GRM5: variants seen among roughly 807,000 people sequenced by gnomAD.
The protein encoded by GRM5 is glutamate metabotropic receptor 5.
In GRM5, 19 loss-of-function variants were observed where a neutral mutation model predicts 83.1. That is an observed-to-expected ratio of 0.23 (90% confidence interval 0.16 to 0.34). The LOEUF is 0.34. Ranked by LOEUF, GRM5 falls within the 10% of genes least tolerant of loss-of-function variation. The pLI is 1.00. For synonymous variants in GRM5, 675 were observed against 633.6 expected, an observed-to-expected ratio of 1.07 and a Z score of -0.98; for missense variants, 1,160 against 1,588.3, an observed-to-expected ratio of 0.73 and a Z score of 4.58.
chr11:88,552,033 C>CTTT (rs5793334), intron 8 of GRM5, among the ~76,000 whole-genome samples: 131 of 145,938 alleles, frequency 9.0e-4, no homozygotes, highest in South Asian at 1.7e-3. Context: ...AATGTCACAT[C>CTTT]TTTTTTTTTT....
intron 3 of GRM5, among the ~76,000 whole-genome samples, chr11:88,768,228 CATAAT>C (rs1942661610): frequency 6.6e-6 from 1 of 151,882 alleles, no homozygotes. Context: ...GATAAGAAAA[CATAAT>C]ATATGCATAC....
intron 3 of GRM5, among the ~76,000 whole-genome samples, chr11:88,720,866 T>C (rs1321971446): frequency 6.7e-6 from 1 of 149,674 alleles, no homozygotes; most frequent in African/African-American, 2.5e-5. Context: ...TTTATACTGC[T>C]TGGCACAAAA....
intron 3 of GRM5, among the ~76,000 whole-genome samples, chr11:88,715,762 A>G (rs1197179622): frequency 6.6e-6 from 1 of 152,036 alleles, no homozygotes; most frequent in African/African-American, 2.4e-5. Flanking sequence ...TATAGTGGAG[A>G]AAAGATACAA....
chr11:88,532,352 G>A (rs952608018), intron 8 of GRM5, among the ~76,000 whole-genome samples: 7 of 152,146 alleles, frequency 4.6e-5, no homozygotes, highest in African/African-American at 1.4e-4. Context: ...GAGGAAAAGA[G>A]TCTTTTTGGC....
At chr11:88,945,792 A>G (rs550184082) in intron 2 of GRM5, among the ~76,000 whole-genome samples, 2 of 152,236 alleles carry the variant, frequency 1.3e-5, no homozygotes, top group South Asian at 4.1e-4. Flanking sequence ...CCTAGAAAAA[A>G]GCCTAGAACA....
intron 3 of GRM5, among the ~76,000 whole-genome samples, chr11:88,769,180 T>C (rs1942680457): frequency 1.3e-5 from 2 of 152,178 alleles, no homozygotes; most frequent in Admixed American, 1.3e-4. Context: ...GGCAGCCAGG[T>C]TTTCCACTTC....
intron 4 of GRM5, among the ~76,000 whole-genome samples, chr11:88,639,141 G>A (rs768804403): frequency 6.6e-6 from 1 of 152,060 alleles, no homozygotes; most frequent in Non-Finnish European, 1.5e-5. Context: ...TGAACTACGT[G>A]TTTTTTCCAT....
chr11:88,858,388 A>G (rs1944507877), intron 2 of GRM5, among the ~76,000 whole-genome samples: 1 of 152,052 alleles, frequency 6.6e-6, no homozygotes, highest in Admixed American at 6.6e-5. Context: ...AATACTAACC[A>G]GGGCTACTGA....
intron 2 of GRM5, among the ~76,000 whole-genome samples, chr11:88,893,655 AC>A (rs1321402652): frequency 2.0e-5 from 3 of 152,050 alleles, no homozygotes; most frequent in Admixed American, 2.0e-4. Context: ...CAGTATCACA[AC>A]CCATTGGAAT....
Position 89,027,373 on chromosome 11 carries a change from C to T in GRM5, c.661+19839G>A, listed in dbSNP as rs529429685. On this transcript the variant is annotated intron_variant, in intron 2 of 9. Transcript: ENST00000305447. ...ACTCCCAAAGTGCTGGGATTATAGA[C>T]GTGAGCCACTGCACCTGGCCGGCAT... Among the ~76,000 whole-genome samples the T allele has an allele frequency of 4.6e-5, 7 of 152,276 alleles. 1 individual carries two copies. The South Asian group carries it at 1.5e-3, about 32-fold the overall frequency.
intron 2 of GRM5, among the ~76,000 whole-genome samples, chr11:88,862,781 G>C (rs1380632215): frequency 1.3e-5 from 2 of 152,016 alleles, no homozygotes; most frequent in Non-Finnish European, 2.9e-5. Context: ...GCATGCATTA[G>C]CTATTTTTCC....
chr11:88,543,970 G>T (rs1459899615), intron 8 of GRM5, among the ~76,000 whole-genome samples: 3 of 152,044 alleles, frequency 2.0e-5, no homozygotes, highest in African/African-American at 7.2e-5. Flanking sequence ...CTGCCCTCAC[G>T]AATGGATTAA....
At chr11:88,863,911 T>C (rs905722500) in intron 2 of GRM5, among the ~76,000 whole-genome samples, 5 of 151,658 alleles carry the variant, frequency 3.3e-5, no homozygotes, top group African/African-American at 7.3e-5. Flanking sequence ...TTTCAGTTAC[T>C]CCATGACTTT....
intron 2 of GRM5, among the ~76,000 whole-genome samples, chr11:88,937,493 G>C (rs529429391): frequency 6.6e-6 from 1 of 151,706 alleles, no homozygotes; most frequent in African/African-American, 2.4e-5. Flanking sequence ...TTTATCAGTA[G>C]TATTATAACA....
chr11:88,721,410 G>C (rs1941536468), intron 3 of GRM5, among the ~76,000 whole-genome samples: 1 of 151,994 alleles, frequency 6.6e-6, no homozygotes, highest in Admixed American at 6.6e-5. Context: ...ATTAACTGAA[G>C]AATATAGCAC....
intron 3 of GRM5, among the ~76,000 whole-genome samples, chr11:88,745,953 C>T (rs1270882641): frequency 6.6e-6 from 1 of 152,176 alleles, no homozygotes; most frequent in Non-Finnish European, 1.5e-5. Flanking sequence ...TTGGTTCCCT[C>T]ATCTTTAAAA....
chr11:88,629,156 A>G (rs1504086), intron 4 of GRM5, among the ~76,000 whole-genome samples: 86,819 of 152,040 alleles, frequency 0.57, 27,998 homozygotes, highest in South Asian at 0.81. Context: ...GATGGTTATT[A>G]TTCTGGAAGA....
chr11:88,899,147 T>A (rs2135593812), intron 2 of GRM5, among the ~76,000 whole-genome samples: 1 of 152,078 alleles, frequency 6.6e-6, no homozygotes, highest in Admixed American at 6.6e-5. Flanking sequence ...CCTAATGACA[T>A]CTACAGCAGT....
chr11:88,875,978 C>A lies in GRM5; in HGVS notation c.662-25823G>T, dbSNP rs765865193. On this transcript the variant is annotated intron_variant, in intron 2 of 9. Coordinates refer to ENST00000305447, the MANE Select transcript of GRM5 (RefSeq NM_001143831.3). ...GGGTTTTTGGAACAATAAAAGAACA[C>A]TGGCTTCAACTTAAGGTCACCAGCC... 7.9e-5 allele frequency among the ~76,000 whole-genome samples: 12 copies of A among 152,012 alleles called. No individual in the cohort carries two copies. The South Asian group carries it at 2.5e-3, about 32-fold the overall frequency.
Sources: gnomAD v4.1 joint callset for allele counts (sites outside exome capture counted in the v4.1 genomes callset) on GRCh38, gnomAD v4.1.1 for gene constraint, MANE v1.5 for transcripts, NCBI Gene and HGNC (gene_info 2026-07-23, HGNC 2026-07-21) for gene names.